Variants in DNAH9 observed in about 807,000 individuals in gnomAD.
The protein encoded by DNAH9 is DNAH9 variant protein.
A neutral mutation model predicts 471.6 loss-of-function variants in DNAH9; 345 were observed. That is an observed-to-expected ratio of 0.73 (90% CI 0.67 to 0.80). The LOEUF is 0.80. Ranked by LOEUF, DNAH9 falls within the 30% of genes least tolerant of loss-of-function variation. The probability of loss-of-function intolerance (pLI) is 0.00; values close to 1 mark genes in which losing one functional copy is unlikely to be tolerated. For missense variants in DNAH9, 5,407 were observed against 5,609.2 expected (o/e 0.96, Z 1.15); for synonymous variants, 2,093 against 2,123.6 (o/e 0.99, Z 0.40).
chr17:11,826,934 C>T (rs972716886), intron 48 of DNAH9, among the ~76,000 whole-genome samples: 3 of 149,882 alleles, frequency 2.0e-5, no homozygotes, highest in African/African-American at 7.4e-5. Context: ...AAGTGATTCT[C>T]CTGCCTCAGC....
intron 45 of DNAH9, among the ~76,000 whole-genome samples, chr17:11,816,915 C>T (rs1247204080): frequency 2.6e-5 from 4 of 151,956 alleles, no homozygotes; most frequent in Non-Finnish European, 4.4e-5. Context: ...AAAAATTAGC[C>T]GGGTGTGGTG....
intron 48 of DNAH9, among the ~76,000 whole-genome samples, chr17:11,828,424 G>A (rs1228669550): frequency 7.0e-6 from 1 of 142,846 alleles, no homozygotes; most frequent in East Asian, 2.0e-4. Flanking sequence ...AGTGAGCTGA[G>A]ATCGCACCAT....
In DNAH9 at chr17:11,962,152, C is replaced by T. The variant is rs761482365; in HGVS notation, c.13129C>T (p.Gln4377Ter). ...GTGGCCACTGGACCAGATGGCCCTG[C>T]AATGTGACATGACGAAGAAGAACAG... ...NEWPLDQMAL[Q>*]CDMTKKNREE... Residue 4377 changes from glutamine to a stop codon, truncating the protein, a stop_gained, in exon 68 of 69, where the codon CAA becomes TAA. Coordinates refer to ENST00000262442, the MANE Select transcript of DNAH9 (RefSeq NM_001372.4). LOFTEE classifies it high-confidence loss of function. This position sits in a 1 kb window ranked among gnomAD's most constrained non-coding sequence, Gnocchi z 4.1. The T allele has an allele frequency of 3.1e-6, 5 of 1,614,116 alleles. No homozygotes were observed. The South Asian group carries it at 5.5e-5, about 18-fold the overall frequency.
At chr17:11,931,930 C>T (rs908806016) in intron 63 of DNAH9, 84 bp from the exon 64 acceptor site, 15 of 1,479,728 alleles carry the variant, frequency 1.0e-5, no homozygotes, top group Admixed American at 3.7e-5. Flanking sequence ...TTTTCCAACA[C>T]GAACCCTGAT....
intron 40 of DNAH9, 82 bp downstream of exon 40, chr17:11,783,830 C>T: frequency 8.7e-7 from 1 of 1,155,758 alleles, no homozygotes; most frequent in Non-Finnish European, 1.3e-6. Context: ...TAATAATTGG[C>T]CTTTTTCCCC....
chr17:11,817,860 A>C (rs1970156681), intron 45 of DNAH9, among the ~76,000 whole-genome samples: 1 of 152,204 alleles, frequency 6.6e-6, no homozygotes, highest in South Asian at 2.1e-4. Flanking sequence ...GAAAACAGTA[A>C]ATGATCACTT....
At chr17:11,782,593 A>G (rs989149393) in intron 39 of DNAH9, among the ~76,000 whole-genome samples, 7 of 152,078 alleles carry the variant, frequency 4.6e-5, no homozygotes, top group African/African-American at 1.7e-4. Flanking sequence ...GCTGCTTCAC[A>G]TCATTTAAAC....
chr17:11,774,146 T>A (rs1968329233), intron 38 of DNAH9, among the ~76,000 whole-genome samples: 1 of 151,922 alleles, frequency 6.6e-6, no homozygotes, highest in Admixed American at 6.6e-5. Context: ...CAAAATAAAA[T>A]AAAATAGAAT....
chr17:11,925,983 C>T (rs2151031136), intron 62 of DNAH9, among the ~76,000 whole-genome samples: 1 of 128,354 alleles, frequency 7.8e-6, no homozygotes, highest in East Asian at 2.4e-4. Context: ...CTAGACTGGA[C>T]CAGAATCCTA....
In DNAH9 at chr17:11,950,941, G is replaced by A. The variant is rs528081619; in HGVS notation, c.12843+8456G>A. On this transcript the variant is annotated intron_variant, in intron 67 of 68. Transcript: ENST00000262442. ...TCCATCACACTTAGTCCAGTGTACC[G>A]CCAGCAGTCCACAACCTGACACCTT... Among the ~76,000 whole-genome samples, 6 of 152,192 alleles carry A rather than the reference G, an allele frequency of 3.9e-5. No individual in the cohort carries two copies. The South Asian group carries it at 1.0e-3, about 26-fold the overall frequency.
intron 8 of DNAH9, 102 bp downstream of exon 8, chr17:11,632,805 A>G: frequency 1.7e-6 from 1 of 589,838 alleles, no homozygotes; most frequent in Non-Finnish European, 3.1e-6. Flanking sequence ...TCCTGCAACT[A>G]TTAATTATTC....
chr17:11,763,424 G>A lies in DNAH9; in HGVS notation c.6996-16G>A, dbSNP rs754566136. On this transcript the variant is annotated splice_polypyrimidine_tract_variant and intron_variant, in intron 35 of 68. Coordinates refer to ENST00000262442, the MANE Select transcript of DNAH9 (RefSeq NM_001372.4). Reference sequence around the variant, plus strand: ...TATCCTCTGTGTTTCAGATCCCCTCGGGTCTCTCTTTGCAGGTTTAAGAAG... The same window carrying A: ...TATCCTCTGTGTTTCAGATCCCCTCAGGTCTCTCTTTGCAGGTTTAAGAAG... The A allele has an allele frequency of 6.1e-5, 98 of 1,611,374 alleles. No individual in the cohort carries two copies. Among genetic ancestry groups the A allele is most frequent in the Non-Finnish European group, 7.2e-5 (85 of 1,178,234 alleles).
At chr17:11,743,833 ATT>A (rs113809412) in intron 30 of DNAH9, among the ~76,000 whole-genome samples, 68 of 142,904 alleles carry the variant, frequency 4.8e-4, no homozygotes, top group African/African-American at 6.4e-4. Context: ...CCTTGGCTGC[ATT>A]TTTTTTTTTT....
intron 36 of DNAH9, among the ~76,000 whole-genome samples, chr17:11,764,153 T>G (rs1967834845): frequency 6.6e-6 from 1 of 152,144 alleles, no homozygotes; most frequent in Non-Finnish European, 1.5e-5. Flanking sequence ...AAAGTGGAAT[T>G]TATCTTATAG....
intron 67 of DNAH9, among the ~76,000 whole-genome samples, chr17:11,961,214 C>A (rs1236078058): frequency 6.6e-6 from 1 of 152,042 alleles, no homozygotes; most frequent in Non-Finnish European, 1.5e-5. Context: ...ACTCAAGAGA[C>A]TGAGGCAGAA....
rs545829552 is a variant in DNAH9, at chr17:11,877,244, G to A, written c.10478+2060G>A. On this transcript the variant is annotated intron_variant, in intron 53 of 68. Transcript: ENST00000262442. Reference sequence around the variant, plus strand: ...TCATAGCACTTTGGGAGGCCGAGGCGAGCAGATCATTTGAGGTCAGGAGTT... The same window carrying A: ...TCATAGCACTTTGGGAGGCCGAGGCAAGCAGATCATTTGAGGTCAGGAGTT... Among the ~76,000 whole-genome samples, 306 of 151,446 alleles carry A rather than the reference G, an allele frequency of 2.0e-3. 4 individuals are homozygous for A. Among genetic ancestry groups the A allele is most frequent in the African/African-American group, 7.2e-3 (296 of 41,346 alleles).
chr17:11,763,141 A>C (rs535129744), intron 35 of DNAH9, among the ~76,000 whole-genome samples: 1 of 152,138 alleles, frequency 6.6e-6, no homozygotes, highest in African/African-American at 2.4e-5. Flanking sequence ...CCAGGTACTG[A>C]GAGGGGATCA....
intron 50 of DNAH9, among the ~76,000 whole-genome samples, chr17:11,865,577 A>G (rs1267260687): frequency 1.3e-5 from 2 of 151,902 alleles, no homozygotes; most frequent in Admixed American, 6.6e-5. Context: ...GCCTTGCTAG[A>G]TTGGGGAAGT....
At chr17:11,864,367 C>T (rs2150980224) in intron 50 of DNAH9, among the ~76,000 whole-genome samples, 1 of 152,222 alleles carries the variant, frequency 6.6e-6, no homozygotes, top group East Asian at 1.9e-4. Context: ...TCTAGTTTGA[C>T]TGCACTATGG....
Sources: allele counts gnomAD v4.1 joint callset (sites outside exome capture counted in the v4.1 genomes callset), GRCh38; gene constraint gnomAD v4.1.1; non-coding constraint Gnocchi (gnomAD v3.1); transcripts MANE v1.5; gene names NCBI Gene and HGNC (gene_info 2026-07-23, HGNC 2026-07-21).